HCN4: variants seen among roughly 807,000 people sequenced by gnomAD.
The protein encoded by HCN4 is hyperpolarization activated cyclic nucleotide gated potassium channel 4, also known as potassium/sodium hyperpolarization-activated cyclic nucleotide-gated channel 4.
A neutral mutation model predicts 76.9 loss-of-function variants in HCN4; 29 were observed. That is an observed-to-expected ratio of 0.38 (90% confidence interval 0.28 to 0.51). The LOEUF is 0.51. HCN4 is among the 20% of genes least tolerant of loss of function. HCN4 has a pLI of 0.90. For synonymous variants in HCN4, 772 were observed against 762.5 expected (o/e 1.01, Z -0.21); for missense variants, 1,416 against 1,715.2 (o/e 0.83, Z 3.08).
At chr15:73,341,576 A>G (rs1595828231) in intron 2 of HCN4, among the ~76,000 whole-genome samples, 1 of 152,342 alleles carries the variant, frequency 6.6e-6, no homozygotes, top group East Asian at 1.9e-4. Context: ...CCAAAGCTAC[A>G]TGCTAGGCAG....
Position 73,322,703 on chromosome 15 carries a change from C to T in HCN4, c.3390G>A (p.Gly1130=). ...PRAGGGSGGS[G]SSGGLGPPGR... is the part of the protein sequence containing the mutation. ...CAGGGGGACCGAGGCCCCCGCTGCT[C>T]CCACTGCCCCCGCTGCCACCCCCAG... Residue 1130 remains glycine, a synonymous_variant, in exon 8 of 8, where the codon GGG becomes GGA. Coordinates refer to ENST00000261917, the MANE Select transcript of HCN4 (RefSeq NM_005477.3). The T allele has an allele frequency of 6.4e-7, 1 of 1,571,132 alleles. No individual in the cohort carries two copies. The highest frequency in any genetic ancestry group is 1.3e-5 in the African/African-American group (1 of 74,326).
At chr15:73,344,788 C>A (rs908481908) in intron 1 of HCN4, among the ~76,000 whole-genome samples, 2 of 152,142 alleles carry the variant, frequency 1.3e-5, no homozygotes, top group African/African-American at 4.8e-5. Flanking sequence ...ACTCACCAAG[C>A]AGGGGGCCTT....
chr15:73,340,869 T>C (rs2042997305), intron 2 of HCN4: 1 of 152,262 alleles, frequency 6.6e-6, no homozygotes, highest in Admixed American at 6.5e-5. Flanking sequence ...TCCCTTTCCA[T>C]CTGAGAAGGC....
chr15:73,323,468 C>T lies in HCN4; in HGVS notation c.2625G>A (p.Leu875=). Reference sequence around the variant, plus strand: ...GGGGTGGGGAGGAGCTGGATGAGGGCAGGAGTGGGCTCAGTCCAGCGGGGG... The same window carrying T: ...GGGGTGGGGAGGAGCTGGATGAGGGTAGGAGTGGGCTCAGTCCAGCGGGGG... ...FSAPAGLSPL[L]PSSSSSPPPG... is the part of the protein sequence containing the mutation. The change falls in exon 8 of 8, where the codon CTG becomes CTA. Residue 875 remains leucine, a synonymous_variant. Transcript: ENST00000261917. 1.9e-6 allele frequency: 3 copies of T among 1,607,168 alleles called. No individual in the cohort carries two copies. The highest frequency in any genetic ancestry group is 2.5e-6 in the Non-Finnish European group (3 of 1,179,654).
chr15:73,337,608 C>A (rs1486467588), intron 2 of HCN4, among the ~76,000 whole-genome samples: 1 of 152,166 alleles, frequency 6.6e-6, no homozygotes, highest in African/African-American at 2.4e-5. Flanking sequence ...AGGTCCTTGT[C>A]TAATTGTGCC....
At chr15:73,360,867 A>C (rs2043101957) in intron 1 of HCN4, among the ~76,000 whole-genome samples, 1 of 152,214 alleles carries the variant, frequency 6.6e-6, no homozygotes, top group Non-Finnish European at 1.5e-5. Flanking sequence ...TCAGGCAGCT[A>C]AATGGCATGA....
At chr15:73,363,516 C>G (rs181249848) in intron 1 of HCN4, among the ~76,000 whole-genome samples, 11 of 152,294 alleles carry the variant, frequency 7.2e-5, no homozygotes, top group Non-Finnish European at 1.5e-4. Context: ...TCTGGGATGG[C>G]CTAGAGAGGG....
At position 73,321,649 on chromosome 15, in the gene HCN4, G is replaced by C. The variant is rs912396189; in HGVS notation, c.*832C>G. 6.5e-6 allele frequency: 1 copy of C among 152,770 alleles called. No individual in the cohort carries two copies. The highest frequency in any genetic ancestry group is 2.4e-5 in the African/African-American group (1 of 41,448). 9.5% of individuals were successfully genotyped at this position (152,770 alleles called of 1,614,324 possible). On this transcript the variant is annotated 3_prime_UTR_variant, in exon 8 of 8. Transcript: ENST00000261917. Reference sequence around the variant, plus strand: ...AGTCTTCCACTTCCGTGTGGTGAGAGGTCAGGCTGGGACTGGCTTTGAGAC... The same window carrying C: ...AGTCTTCCACTTCCGTGTGGTGAGACGTCAGGCTGGGACTGGCTTTGAGAC...
At chr15:73,349,692 A>G (rs1376435127) in intron 1 of HCN4, among the ~76,000 whole-genome samples, 2 of 151,732 alleles carry the variant, frequency 1.3e-5, no homozygotes, top group African/African-American at 4.8e-5. Context: ...TAAGGACATC[A>G]CTCTTCCAAA....
chr15:73,325,076 C>T lies in HCN4; in HGVS notation c.1857G>A (p.Gly619=). ...TGGTGCCTTCCCGGATGATGTAGTCCCCAGGCTGGAAGACCTCGAAACGCA... is the reference window on the plus strand; with the variant it reads ...TGGTGCCTTCCCGGATGATGTAGTCTCCAGGCTGGAAGACCTCGAAACGCA... The part of the protein sequence containing the change: ...TKLRFEVFQP[G]DYIIREGTIG... Residue 619 remains glycine, a synonymous_variant, in exon 6 of 8, where the codon GGG becomes GGA. Coordinates refer to ENST00000261917, the MANE Select transcript of HCN4 (RefSeq NM_005477.3). This position sits in a 1 kb window ranked among gnomAD's most constrained non-coding sequence, Gnocchi z 7.4. 1 of 1,614,218 alleles carries T rather than the reference C, an allele frequency of 6.2e-7. No homozygotes were observed. The highest frequency in any genetic ancestry group is 8.5e-7 in the Non-Finnish European group (1 of 1,180,040).
chr15:73,330,403 C>T (rs2042925981), intron 3 of HCN4, among the ~76,000 whole-genome samples: 1 of 152,164 alleles, frequency 6.6e-6, no homozygotes, highest in African/African-American at 2.4e-5. Flanking sequence ...ACACACAAGG[C>T]GTGGGGACAG....
chr15:73,329,815 G>A (rs1397526733), intron 3 of HCN4, 24 bp from the exon 4 acceptor site: 1 of 1,586,846 alleles, frequency 6.3e-7, no homozygotes, highest in African/African-American at 1.3e-5. Flanking sequence ...GATGGGTGGG[G>A]ACAGTGGATG....
chr15:73,340,203 G>A (rs2042992099), intron 2 of HCN4, among the ~76,000 whole-genome samples: 1 of 152,188 alleles, frequency 6.6e-6, no homozygotes, highest in African/African-American at 2.4e-5. Flanking sequence ...TGCATAATGT[G>A]GGGACGTGAA....
chr15:73,368,153 G>T lies in HCN4; in HGVS notation c.118C>A (p.Arg40Ser). 1 of 1,523,398 alleles carries T rather than the reference G, an allele frequency of 6.6e-7. No homozygotes were observed. Among genetic ancestry groups the T allele is most frequent in the East Asian group, 2.6e-5 (1 of 37,946 alleles). 94.4% of individuals were successfully genotyped at this position (1,523,398 alleles called of 1,614,324 possible). The change falls in exon 1 of 8, where the codon CGC becomes AGC. Residue 40 changes from arginine to serine, a missense_variant. By Grantham distance (110) the Arg-to-Ser change is moderately radical (BLOSUM62 -1). This residue lies in a region of HCN4 where 355 missense variants were observed against 347.8 expected (regional missense o/e 1.02). Transcript: ENST00000261917. This position sits in a 1 kb window ranked among gnomAD's most constrained non-coding sequence, Gnocchi z 6.9. ...EDAEEEGAGG[R>S]QDPSRRSIRL... Reference sequence around the variant, plus strand: ...ATGCTCCTGCGGCTGGGGTCTTGGCGGCCCCCGGCCCCCTCCTCCTCGGCG... The same window carrying T: ...ATGCTCCTGCGGCTGGGGTCTTGGCTGCCCCCGGCCCCCTCCTCCTCGGCG...
rs1595818291 is a variant in HCN4, at chr15:73,320,848, C to T, written c.*1633G>A. On this transcript the variant is annotated 3_prime_UTR_variant, in exon 8 of 8. Transcript: ENST00000261917. ...GTTGAAGTCTTCCCACTTCTCAAGG[C>T]CTGGCTCCCACCCACCTCTGGCCAC... 1 of 152,368 alleles carries T rather than the reference C, an allele frequency of 6.6e-6. No homozygotes were observed. Among genetic ancestry groups the T allele is most frequent in the African/African-American group, 2.4e-5 (1 of 41,432 alleles). 9.4% of individuals were successfully genotyped at this position (152,368 alleles called of 1,614,324 possible).
At chr15:73,363,156 C>T (rs962961841) in intron 1 of HCN4, among the ~76,000 whole-genome samples, 2 of 152,236 alleles carry the variant, frequency 1.3e-5, no homozygotes, top group Non-Finnish European at 2.9e-5. Flanking sequence ...CACTGAGAGT[C>T]CTAACAACAT....
intron 6 of HCN4, 94 bp downstream of exon 6, chr15:73,324,861 A>G: frequency 6.7e-7 from 1 of 1,500,436 alleles, no homozygotes; most frequent in Non-Finnish European, 9.1e-7. Context: ...GCTGTGGCCA[A>G]GAAGGGTGCT....
intron 2 of HCN4, among the ~76,000 whole-genome samples, chr15:73,334,662 C>T (rs1378522972): frequency 2.0e-5 from 3 of 151,966 alleles, no homozygotes; most frequent in African/African-American, 7.2e-5. Context: ...GGCCATCCTC[C>T]ACACCTGCCT....
chr15:73,330,499 G>A (rs1032133871), intron 3 of HCN4, among the ~76,000 whole-genome samples: 7 of 152,222 alleles, frequency 4.6e-5, no homozygotes, highest in Non-Finnish European at 5.9e-5. Context: ...GGGATCGGAA[G>A]GGCCATCTCT....
Sources: allele counts gnomAD v4.1 joint callset (sites outside exome capture counted in the v4.1 genomes callset), GRCh38; gene constraint gnomAD v4.1.1; regional missense constraint gnomAD v4.1.1; non-coding constraint Gnocchi (gnomAD v3.1); transcripts MANE v1.5; gene names NCBI Gene and HGNC (gene_info 2026-07-23, HGNC 2026-07-21).